Variants in CREG2 observed in about 807,000 individuals in gnomAD.
CREG2 encodes the protein protein CREG2.
In CREG2, 24 loss-of-function variants were observed where a neutral mutation model predicts 26.2. That is an observed-to-expected ratio of 0.92 (90% CI 0.66 to 1.29). CREG2 has a LOEUF of 1.29. CREG2 is among the 50% of genes most tolerant of loss of function. CREG2 has a pLI of 0.00. For missense variants in CREG2, 366 were observed against 398.6 expected (o/e 0.92, Z 0.70); for synonymous variants, 174 against 169.2 (o/e 1.03, Z -0.22).
rs147972541 is a variant in CREG2 at position 101,353,912 on chromosome 2, C to A, written c.725+1341G>T. On this transcript the variant is annotated intron_variant, in intron 3 of 3. Coordinates refer to ENST00000324768, the MANE Select transcript of CREG2 (RefSeq NM_153836.4). Reference sequence around the variant, plus strand: ...TTCTCACTCATAAGTGGGAGTTGAACAATGAGAACACATGGACACAGGGAG... The same window carrying A: ...TTCTCACTCATAAGTGGGAGTTGAAAAATGAGAACACATGGACACAGGGAG... Among the ~76,000 whole-genome samples the A allele has an allele frequency of 5.4e-3, 819 of 152,208 alleles. 24 individuals carry two copies. In the East Asian group the frequency reaches 0.095, roughly 18 times the overall value.
At chr2:101,354,341 C>T (rs116534437) in intron 3 of CREG2, among the ~76,000 whole-genome samples, 2,088 of 152,326 alleles carry the variant, frequency 0.014, 53 homozygotes, top group African/African-American at 0.047. Context: ...TATTGAAAGC[C>T]ATGAGCTCAT....
chr2:101,380,003 C>CTATCTA (rs1193912485), intron 2 of CREG2, among the ~76,000 whole-genome samples: 4 of 151,432 alleles, frequency 2.6e-5, no homozygotes, highest in Non-Finnish European at 5.9e-5. Flanking sequence ...ATCTATCTAT[C>CTATCTA]TATCTATCTA....
intron 2 of CREG2, among the ~76,000 whole-genome samples, chr2:101,364,422 C>T (rs1417597330): frequency 6.6e-6 from 1 of 152,172 alleles, no homozygotes; most frequent in Non-Finnish European, 1.5e-5. Flanking sequence ...TGCCAAATGT[C>T]CCTGGGGAGG....
At chr2:101,373,091 C>A (rs1684736968) in intron 2 of CREG2, among the ~76,000 whole-genome samples, 1 of 152,190 alleles carries the variant, frequency 6.6e-6, no homozygotes, top group Non-Finnish European at 1.5e-5. Flanking sequence ...TAAGACCTAG[C>A]AATTCCATTC....
At chr2:101,384,676 C>T (rs932770513) in intron 1 of CREG2, among the ~76,000 whole-genome samples, 4 of 152,106 alleles carry the variant, frequency 2.6e-5, no homozygotes, top group Admixed American at 2.0e-4. Flanking sequence ...GGCAAGATAG[C>T]GAGACCCCCA....
At chr2:101,359,982 G>A (rs920591183) in intron 2 of CREG2, among the ~76,000 whole-genome samples, 1 of 152,172 alleles carries the variant, frequency 6.6e-6, no homozygotes, top group Non-Finnish European at 1.5e-5. Context: ...ACTAAAGTCT[G>A]TTTGATTCCA....
At chr2:101,357,156 G>C (rs1684475148) in intron 2 of CREG2, among the ~76,000 whole-genome samples, 1 of 152,170 alleles carries the variant, frequency 6.6e-6, no homozygotes, top group African/African-American at 2.4e-5. Context: ...CAAAGTGCTG[G>C]GATTACAGGC....
At chr2:101,354,618 C>T (rs975400670) in intron 3 of CREG2, among the ~76,000 whole-genome samples, 1 of 152,126 alleles carries the variant, frequency 6.6e-6, no homozygotes, top group Non-Finnish European at 1.5e-5. Flanking sequence ...TGCATGGACA[C>T]CTGTGGAAAG....
At chr2:101,373,704 A>G (rs6543039) in intron 2 of CREG2, among the ~76,000 whole-genome samples, 104,415 of 152,008 alleles carry the variant, frequency 0.69, 38,042 homozygotes, top group Non-Finnish European at 0.8. Flanking sequence ...ACAGAGACAA[A>G]GCTCAACAGA....
rs889777266 is a variant in CREG2, at chr2:101,350,976, C to T, written c.820G>A (p.Ala274Thr). 22 of 1,614,018 alleles carry T rather than the reference C, an allele frequency of 1.4e-5. No individual in the cohort carries two copies. Among genetic ancestry groups the T allele is most frequent in the Middle Eastern group, 1.6e-4 (1 of 6,084 alleles). ...HIWLQKWYGG[A>T]SSISREEYFK... ...TATTCCTCCCTTGAAATACTGGATGCGCCTCCATACCATTTCTGAAGCCAG... is the reference window on the plus strand; with the variant it reads ...TATTCCTCCCTTGAAATACTGGATGTGCCTCCATACCATTTCTGAAGCCAG... Residue 274 changes from alanine (A) to threonine (T), a missense_variant, in exon 4 of 4, where the codon GCA becomes ACA. Ala to Thr is a moderately conservative substitution (Grantham distance 58). This residue lies in a region of CREG2 where 174 missense variants were observed against 178.2 expected (regional missense o/e 0.98). Coordinates refer to ENST00000324768, the MANE Select transcript of CREG2 (RefSeq NM_153836.4).
intron 2 of CREG2, among the ~76,000 whole-genome samples, chr2:101,377,035 GGA>G (rs1243226626): frequency 1.3e-5 from 2 of 152,054 alleles, no homozygotes; most frequent in African/African-American, 4.8e-5. Flanking sequence ...GCCCCCCCTT[GGA>G]GATGTATCAA....
rs1299149059 is a variant in CREG2, at chr2:101,350,906, A to T, written c.*17T>A. 1.9e-6 allele frequency: 3 copies of T among 1,613,486 alleles called. No individual in the cohort carries two copies. Among genetic ancestry groups the T allele is most frequent in the South Asian group, 2.2e-5 (2 of 91,002 alleles). On this transcript the variant is annotated 3_prime_UTR_variant, in exon 4 of 4. Coordinates refer to ENST00000324768, the MANE Select transcript of CREG2 (RefSeq NM_153836.4). Reference sequence around the variant, plus strand: ...TTTCATTTAAGTGCAAACACCAAGGACTTTCTTCTCACTCCATCAGGCCTT... The same window carrying T: ...TTTCATTTAAGTGCAAACACCAAGGTCTTTCTTCTCACTCCATCAGGCCTT...
At chr2:101,371,599 C>T (rs1028483543) in intron 2 of CREG2, among the ~76,000 whole-genome samples, 1 of 152,192 alleles carries the variant, frequency 6.6e-6, no homozygotes, top group Non-Finnish European at 1.5e-5. Context: ...TGGCCAGGGC[C>T]CTTCCAGGCC....
Position 101,350,845 on chromosome 2 carries a change from TG to T in CREG2, c.*77del. On this transcript the variant is annotated 3_prime_UTR_variant, in exon 4 of 4. Coordinates refer to ENST00000324768, the MANE Select transcript of CREG2 (RefSeq NM_153836.4). ...TATGAACCCTTCAACAAAGAGACAGTGGTCAATAGCTGTCTGGCTGCATCAC... is the reference window on the plus strand; with the variant it reads ...TATGAACCCTTCAACAAAGAGACAGTGTCAATAGCTGTCTGGCTGCATCAC... 7.0e-7 allele frequency: 1 copy of T among 1,433,430 alleles called. No individual in the cohort carries two copies. The highest frequency in any genetic ancestry group is 9.7e-7 in the Non-Finnish European group (1 of 1,029,356). 88.8% of individuals were successfully genotyped at this position (1,433,430 alleles called of 1,614,324 possible). A position where few individuals can be genotyped will look rare whatever the true frequency, so the allele number is the denominator to read the frequency against.
intron 2 of CREG2, among the ~76,000 whole-genome samples, chr2:101,369,977 G>C (rs3923052): frequency 0.45 from 68,820 of 152,032 alleles, 16,374 homozygotes; most frequent in East Asian, 0.62. Context: ...CGTGGTGGGG[G>C]TTCTCACTGC....
intron 1 of CREG2, among the ~76,000 whole-genome samples, chr2:101,383,965 G>A (rs1383036520): frequency 6.6e-6 from 1 of 152,180 alleles, no homozygotes; most frequent in African/African-American, 2.4e-5. Flanking sequence ...GATTCTTCTT[G>A]AAGCTGCCTG....
chr2:101,383,643 G>T lies in CREG2; in HGVS notation c.501C>A (p.Ser167Arg). 1 of 1,614,114 alleles carries T rather than the reference G, an allele frequency of 6.2e-7. No homozygotes were observed. Reference protein sequence around the residue: ...LPVSDGPFNNSTGIPFFYMTA... With the variant: ...LPVSDGPFNNRTGIPFFYMTA... ...TCATGTAGAAGAAAGGAATCCCAGT[G>T]CTATTGTTGAAGGGGCCATCACTGA... The change falls in exon 2 of 4, where the codon AGC becomes AGA. Residue 167 changes from serine to arginine, a missense_variant. Coordinates refer to ENST00000324768, the MANE Select transcript of CREG2 (RefSeq NM_153836.4).
At chr2:101,362,565 T>G (rs1328860626) in intron 2 of CREG2, among the ~76,000 whole-genome samples, 1 of 152,138 alleles carries the variant, frequency 6.6e-6, no homozygotes, top group African/African-American at 2.4e-5. Context: ...AATGAGCTAT[T>G]TTTCATAAAG....
chr2:101,381,568 G>T (rs542198276), intron 2 of CREG2, among the ~76,000 whole-genome samples: 1 of 152,324 alleles, frequency 6.6e-6, no homozygotes, highest in South Asian at 2.1e-4. Context: ...ACTTGGTTTT[G>T]TAGGCATTTA....
Sources: gnomAD v4.1 joint callset for allele counts (sites outside exome capture counted in the v4.1 genomes callset) on GRCh38, gnomAD v4.1.1 for gene constraint, gnomAD v4.1.1 regional missense constraint, MANE v1.5 for transcripts, NCBI Gene and HGNC (gene_info 2026-07-23, HGNC 2026-07-21) for gene names.